PARN: variants seen among roughly 807,000 people sequenced by gnomAD.
The protein encoded by PARN is poly(A)-specific ribonuclease, also known as poly(A)-specific ribonuclease PARN.
Under a neutral mutation model 102.8 loss-of-function variants are expected in PARN, and 71 were observed. The ratio of observed to expected loss-of-function variants is 0.69; its 90% CI spans 0.57 to 0.84. The LOEUF (loss-of-function observed/expected upper bound fraction) is 0.84. Among genes scored for constraint, PARN ranks in the 40% least tolerant of loss-of-function variants. The pLI is 0.00. For missense variants in PARN, 782 were observed against 760.9 expected, an observed-to-expected ratio of 1.03 and a Z score of -0.33; for synonymous variants, 261 against 252.9, an observed-to-expected ratio of 1.03 and a Z score of -0.30.
chr16:14,439,375 CAAAAAA>C (rs58385541), intron 23 of PARN, among the ~76,000 whole-genome samples: 1 of 90,624 alleles, frequency 1.1e-5, no homozygotes, highest in African/African-American at 4.4e-5. Context: ...AACTGTCGCA[CAAAAAA>C]AAAAAAAAAA....
chr16:14,577,278 A>G (rs1319390665), intron 18 of PARN, among the ~76,000 whole-genome samples: 2 of 152,358 alleles, frequency 1.3e-5, no homozygotes, highest in East Asian at 3.9e-4. Context: ...GTTTTTCTAC[A>G]AGGGTAACCA....
chr16:14,611,036 T>C (rs1971491906), intron 6 of PARN, among the ~76,000 whole-genome samples: 1 of 152,216 alleles, frequency 6.6e-6, no homozygotes, highest in South Asian at 2.1e-4. Flanking sequence ...TGCCAAAGCA[T>C]TATATTAGGC....
intron 21 of PARN, among the ~76,000 whole-genome samples, chr16:14,524,800 T>C (rs1965911241): frequency 6.6e-6 from 1 of 152,254 alleles, no homozygotes; most frequent in African/African-American, 2.4e-5. Flanking sequence ...TCATGGTTTC[T>C]ATGTGTCTTT....
chr16:14,453,271 C>T (rs758249560), intron 22 of PARN, among the ~76,000 whole-genome samples: 2 of 152,188 alleles, frequency 1.3e-5, no homozygotes, highest in Admixed American at 6.5e-5. Flanking sequence ...AAAGCTAAGT[C>T]GCTGTCAACT....
intron 11 of PARN, among the ~76,000 whole-genome samples, 181 bp downstream of exon 11, chr16:14,603,965 C>G (rs1481643842): frequency 6.6e-6 from 1 of 152,222 alleles, no homozygotes; most frequent in African/African-American, 2.4e-5. Context: ...TTGCTAGCTA[C>G]GTCTCATGCT....
intron 21 of PARN, among the ~76,000 whole-genome samples, chr16:14,538,219 CTT>C (rs34012270): frequency 0.029 from 3,763 of 131,706 alleles, 49 homozygotes; most frequent in Non-Finnish European, 0.043. Context: ...ATATTTTTCA[CTT>C]TTTTTTTTTT....
intron 22 of PARN, among the ~76,000 whole-genome samples, 164 bp downstream of exon 22, chr16:14,482,474 A>G (rs1963434963): frequency 6.6e-6 from 1 of 152,238 alleles, no homozygotes; most frequent in Admixed American, 6.5e-5. Context: ...AGCAGTCTCT[A>G]AAATACAGGA....
At chr16:14,516,110 G>C (rs1965443147) in intron 21 of PARN, among the ~76,000 whole-genome samples, 1 of 150,248 alleles carries the variant, frequency 6.7e-6, no homozygotes, top group South Asian at 2.1e-4. Flanking sequence ...AAAAATACAA[G>C]AATAAAAAAA....
chr16:14,462,845 A>G (rs2151574716), intron 22 of PARN, among the ~76,000 whole-genome samples: 1 of 152,358 alleles, frequency 6.6e-6, no homozygotes, highest in South Asian at 2.1e-4. Context: ...AGAATCAGAC[A>G]AAATACATGA....
At chr16:14,471,273 C>T (rs1030986872) in intron 22 of PARN, among the ~76,000 whole-genome samples, 1 of 152,062 alleles carries the variant, frequency 6.6e-6, no homozygotes, top group Non-Finnish European at 1.5e-5. Flanking sequence ...ATCTAAAAGG[C>T]ATTTTAATAA....
In PARN at chr16:14,435,787, A is replaced by T. The variant is rs1190841926; in HGVS notation, c.*930T>A. 6.6e-6 allele frequency: 1 copy of T among 152,048 alleles called. No individual in the cohort carries two copies. Among genetic ancestry groups the T allele is most frequent in the Non-Finnish European group, 1.5e-5 (1 of 68,008 alleles). 9.4% of individuals were successfully genotyped at this position (152,048 alleles called of 1,614,324 possible). ...CATACAAAAATGTGAAATATCTAAC[A>T]ATGATCTATCTGAAGCGGGTGGAGC... On this transcript the variant is annotated 3_prime_UTR_variant, in exon 24 of 24. Transcript: ENST00000437198.
intron 5 of PARN, among the ~76,000 whole-genome samples, chr16:14,620,451 A>T (rs1411769075): frequency 6.6e-6 from 1 of 152,238 alleles, no homozygotes; most frequent in Admixed American, 6.5e-5. Context: ...AAAATTATGG[A>T]GTTCATACTC....
At chr16:14,627,365 C>A (rs780593852) in intron 3 of PARN, 29 bp from the exon 4 acceptor site, 2 of 1,516,202 alleles carry the variant, frequency 1.3e-6, no homozygotes, top group Non-Finnish European at 1.8e-6. Context: ...ACATCTGTCA[C>A]AAAAGTGCTG....
chr16:14,609,103 A>G lies in PARN; in HGVS notation c.575T>C (p.Leu192Ser). 6.5e-7 allele frequency: 1 copy of G among 1,547,014 alleles called. No homozygotes were observed. The highest frequency in any genetic ancestry group is 8.9e-7 in the Non-Finnish European group (1 of 1,127,762). The change falls in exon 8 of 24, where the codon TTA (leucine) becomes TCA (serine). Residue 192 changes from leucine (L) to serine (S), a missense_variant. By Grantham distance (145) the Leu-to-Ser change is moderately radical (BLOSUM62 -2). Transcript: ENST00000437198. ...CAAGTTCTTGTTTTCTTCACTTTGT[A>G]ATAAATCCTCTATTTTCTCTCTGAG... ...DQVVEKIEDL[L>S]QSEENKNLDL...
At position 14,610,705 on chromosome 16, in the gene PARN, T is replaced by C; in HGVS notation, c.493A>G (p.Asn165Asp). ...GAGALSYVSP[N>D]TSKCPVTIPE... Reference sequence around the variant, plus strand: ...ATCGTGACAGGACATTTTGAAGTGTTAGGAGATACATAGGACAGAGCTCCT... The same window carrying C: ...ATCGTGACAGGACATTTTGAAGTGTCAGGAGATACATAGGACAGAGCTCCT... Residue 165 changes from asparagine (N) to aspartate (D), a missense_variant, in exon 7 of 24, where the codon AAC becomes GAC. Asn to Asp is a conservative substitution (Grantham distance 23). Transcript: ENST00000437198. 3.1e-6 allele frequency: 5 copies of C among 1,609,074 alleles called. No individual in the cohort carries two copies. The highest frequency in any genetic ancestry group is 4.3e-6 in the Non-Finnish European group (5 of 1,175,444).
chr16:14,601,485 T>C (rs1424627706), intron 11 of PARN, among the ~76,000 whole-genome samples: 1 of 152,018 alleles, frequency 6.6e-6, no homozygotes, highest in African/African-American at 2.4e-5. Flanking sequence ...TTAGTACAGT[T>C]TCGGTTTTGC....
At chr16:14,609,885 G>A (rs183736736) in intron 7 of PARN, among the ~76,000 whole-genome samples, 2 of 152,168 alleles carry the variant, frequency 1.3e-5, no homozygotes, top group Non-Finnish European at 2.9e-5. Context: ...TTCAGTCCAT[G>A]CAAGTTTTAG....
At chr16:14,613,615 A>T (rs544850252) in intron 6 of PARN, among the ~76,000 whole-genome samples, 1 of 152,168 alleles carries the variant, frequency 6.6e-6, no homozygotes, top group South Asian at 2.1e-4. Flanking sequence ...AGGGTGAGAC[A>T]GTCTCAAAAC....
intron 12 of PARN, among the ~76,000 whole-genome samples, chr16:14,594,896 T>C (rs1970409353): frequency 1.3e-5 from 2 of 152,224 alleles, no homozygotes; most frequent in African/African-American, 2.4e-5. Flanking sequence ...TGAATACCTA[T>C]GCTACGCTAA....
Sources: gnomAD v4.1 joint callset for allele counts (sites outside exome capture counted in the v4.1 genomes callset) on GRCh38, gnomAD v4.1.1 for gene constraint, MANE v1.5 for transcripts, NCBI Gene and HGNC (gene_info 2026-07-23, HGNC 2026-07-21) for gene names.